Variants in PCDH9 observed in about 807,000 individuals in gnomAD.
PCDH9 encodes protocadherin 9, also known as protocadherin-9.
PCDH9 carries 24 observed loss-of-function variants against 70.6 expected under a neutral mutation model. That is an observed-to-expected ratio of 0.34 (90% CI 0.25 to 0.48). PCDH9 has a LOEUF of 0.48. PCDH9 is among the 20% of genes least tolerant of loss of function. The pLI, the probability that PCDH9 is intolerant of heterozygous loss-of-function variation, is 0.99. For missense variants in PCDH9, 1,281 were observed against 1,503.6 expected (o/e 0.85, Z 2.45); for synonymous variants, 562 against 558.5 (o/e 1.01, Z -0.09).
At chr13:67,220,322 AT>A (rs958083576) in intron 2 of PCDH9, 27 of 152,110 alleles carry the variant, frequency 1.8e-4, no homozygotes, top group Admixed American at 1.8e-3. Context: ...TATAAGTATA[AT>A]TTATAGATAT....
chr13:67,064,932 A>ATAGG (rs2085616375), intron 2 of PCDH9, among the ~76,000 whole-genome samples: 2 of 149,384 alleles, frequency 1.3e-5, no homozygotes, highest in South Asian at 4.3e-4. Flanking sequence ...AGATAGATAG[A>ATAGG]TAGATAGCAG....
chr13:66,398,646 T>TA (rs1237066697), intron 4 of PCDH9, among the ~76,000 whole-genome samples: 5 of 152,182 alleles, frequency 3.3e-5, no homozygotes, highest in African/African-American at 4.8e-5. Flanking sequence ...ACTAGCATTT[T>TA]AGTACCTATT....
intron 3 of PCDH9, among the ~76,000 whole-genome samples, chr13:66,755,496 T>C (rs2079526173): frequency 6.6e-6 from 1 of 152,188 alleles, no homozygotes; most frequent in Non-Finnish European, 1.5e-5. Context: ...CTGTATTGTA[T>C]AATACTCTAC....
chr13:66,347,805 TCTTTA>T (rs1956234642), intron 4 of PCDH9, among the ~76,000 whole-genome samples: 1 of 152,172 alleles, frequency 6.6e-6, no homozygotes, highest in African/African-American at 2.4e-5. Context: ...CCATCTGCTT[TCTTTA>T]CTTCTCTCCT....
At chr13:66,467,734 A>T (rs1265779817) in intron 4 of PCDH9, among the ~76,000 whole-genome samples, 2 of 152,096 alleles carry the variant, frequency 1.3e-5, no homozygotes, top group African/African-American at 2.4e-5. Context: ...GAAAACAAAT[A>T]AAAAAATCAA....
At chr13:66,911,477 G>A (rs910121717) in intron 2 of PCDH9, among the ~76,000 whole-genome samples, 8 of 152,124 alleles carry the variant, frequency 5.3e-5, no homozygotes, top group Admixed American at 1.3e-4. Context: ...ATCACAAATC[G>A]TAGCTGCTTC....
intron 3 of PCDH9, among the ~76,000 whole-genome samples, chr13:66,802,664 A>G (rs1408952772): frequency 2.0e-5 from 3 of 152,128 alleles, no homozygotes; most frequent in Non-Finnish European, 4.4e-5. Flanking sequence ...TAAACTTTAA[A>G]AATTATAGTC....
chr13:66,630,148 C>A (rs1236550767), intron 4 of PCDH9, among the ~76,000 whole-genome samples: 2 of 151,952 alleles, frequency 1.3e-5, no homozygotes, highest in African/African-American at 4.8e-5. Flanking sequence ...AACAAACAAG[C>A]AAAAATATTT....
At chr13:66,797,614 A>T (rs1447095121) in intron 3 of PCDH9, among the ~76,000 whole-genome samples, 2 of 152,188 alleles carry the variant, frequency 1.3e-5, no homozygotes, top group Non-Finnish European at 2.9e-5. Flanking sequence ...AATAAAACAC[A>T]TGTGATACTT....
In PCDH9 at chr13:66,304,979, A is replaced by G; in HGVS notation, c.3390T>C (p.Thr1130=). The change falls in exon 5 of 5, where the codon ACT becomes ACC. Residue 1130 remains threonine, a synonymous_variant. Coordinates refer to ENST00000377865, the MANE Select transcript of PCDH9 (RefSeq NM_203487.3). ...RGLAEATEMC[T]QECLVLGHSD... ...AGTGACCCAAAACCAAGCACTCTTG[A>G]GTGCACATCTCTGTAGCTTCAGCTA... is the stretch of plus-strand genomic sequence containing the variant. 1.2e-6 allele frequency: 2 copies of G among 1,613,314 alleles called. No homozygotes were observed. Among genetic ancestry groups the G allele is most frequent in the Non-Finnish European group, 8.5e-7 (1 of 1,179,556 alleles).
chr13:67,023,813 T>C (rs190234250), intron 2 of PCDH9, among the ~76,000 whole-genome samples: 3 of 151,986 alleles, frequency 2.0e-5, no homozygotes, highest in African/African-American at 4.8e-5. Context: ...ACAAAGTAAG[T>C]TGAACTGAAA....
At chr13:66,680,538 C>T (rs2078304566) in intron 3 of PCDH9, among the ~76,000 whole-genome samples, 2 of 151,820 alleles carry the variant, frequency 1.3e-5, no homozygotes. Flanking sequence ...TAGGAGTTTG[C>T]TATTTCACAA....
intron 4 of PCDH9, among the ~76,000 whole-genome samples, chr13:66,310,081 C>T (rs931367044): frequency 2.6e-5 from 4 of 151,722 alleles, no homozygotes; most frequent in Non-Finnish European, 5.9e-5. Context: ...TTCTTTGTTG[C>T]TTTGCACAGT....
chr13:66,969,331 T>C (rs1566328363), intron 2 of PCDH9, among the ~76,000 whole-genome samples: 2 of 152,018 alleles, frequency 1.3e-5, no homozygotes, highest in Non-Finnish European at 1.5e-5. Context: ...GTGAATGTTA[T>C]ATGTGGACAC....
At position 67,227,795 on chromosome 13, in the gene PCDH9, C is replaced by A; in HGVS notation, c.646G>T (p.Asp216Tyr). The change falls in exon 2 of 5, where the codon GAT becomes TAT. Residue 216 changes from aspartate to tyrosine, a missense_variant. Physicochemically the swap from Asp to Tyr is radical, Grantham distance 160. Around this residue, in one of 4 missense-constraint regions of PCDH9, gnomAD observed 798 missense variants for 1,003.1 expected, o/e 0.80. Transcript: ENST00000377865. This position sits in a 1 kb window ranked among gnomAD's most constrained non-coding sequence, Gnocchi z 4.6. ...VQQNLDREQK[D>Y]TYVMKIKVED... ...ACTTTGATTTTCATCACATAGGTATCTTTCTGTTCTCTATCCAAGTTTTGC... is the reference window on the plus strand; with the variant it reads ...ACTTTGATTTTCATCACATAGGTATATTTCTGTTCTCTATCCAAGTTTTGC... 2.5e-6 allele frequency: 4 copies of A among 1,614,008 alleles called. No individual in the cohort carries two copies. Among genetic ancestry groups the A allele is most frequent in the Non-Finnish European group, 1.7e-6 (2 of 1,179,886 alleles).
intron 2 of PCDH9, among the ~76,000 whole-genome samples, chr13:67,132,755 A>G (rs968656911): frequency 1.3e-5 from 2 of 152,122 alleles, no homozygotes; most frequent in Admixed American, 6.6e-5. Flanking sequence ...TGTCAAAAAT[A>G]TTGGGGTTCT....
chr13:66,627,624 C>T (rs1447706785), intron 4 of PCDH9, among the ~76,000 whole-genome samples: 1 of 152,076 alleles, frequency 6.6e-6, no homozygotes, highest in African/African-American at 2.4e-5. Context: ...TCTCCCCTTC[C>T]CAATGATGAA....
chr13:66,598,289 T>A (rs137946920), intron 4 of PCDH9, among the ~76,000 whole-genome samples: 1 of 151,854 alleles, frequency 6.6e-6, no homozygotes, highest in Non-Finnish European at 1.5e-5. Context: ...AACATGGCTA[T>A]TCTAAAGATA....
intron 2 of PCDH9, among the ~76,000 whole-genome samples, chr13:67,178,349 A>AT (rs761373513): frequency 9.9e-5 from 15 of 152,112 alleles, no homozygotes; most frequent in Non-Finnish European, 2.1e-4. Flanking sequence ...CAACTGTAAA[A>AT]TAAGGGTCAA....
Sources: gnomAD v4.1 joint callset for allele counts (sites outside exome capture counted in the v4.1 genomes callset) on GRCh38, gnomAD v4.1.1 for gene constraint, gnomAD v4.1.1 regional missense constraint, Gnocchi (gnomAD v3.1) non-coding constraint, MANE v1.5 for transcripts, NCBI Gene and HGNC (gene_info 2026-07-23, HGNC 2026-07-21) for gene names.